The following CFAP20DC variants were observed in gnomAD, a reference collection of about 807,000 sequenced individuals.
The protein encoded by CFAP20DC is CFAP20 domain containing, also known as protein CFAP20DC.
A neutral mutation model predicts 101.7 loss-of-function variants in CFAP20DC; 84 were observed. That is an observed-to-expected ratio of 0.83 (90% CI 0.69 to 0.99). The LOEUF is 0.99. CFAP20DC is among the 50% of genes least tolerant of loss of function. CFAP20DC has a pLI of 0.00. For missense variants in CFAP20DC, 1,007 were observed against 970.3 expected (o/e 1.04, Z -0.50); for synonymous variants, 359 against 351.2 (o/e 1.02, Z -0.25).
chr3:58,887,348 C>G (rs2081736718), intron 6 of CFAP20DC: 1 of 152,016 alleles, frequency 6.6e-6, no homozygotes, highest in Non-Finnish European at 1.5e-5. Flanking sequence ...ATGTCAATGC[C>G]AATATTAATA....
At chr3:59,008,436 A>G (rs2093492103) in intron 4 of CFAP20DC, among the ~76,000 whole-genome samples, 1 of 152,182 alleles carries the variant, frequency 6.6e-6, no homozygotes, top group African/African-American at 2.4e-5. Context: ...ACTGGTGCCT[A>G]CCCAGGAATA....
chr3:58,916,161 T>G (rs911557636), intron 5 of CFAP20DC, among the ~76,000 whole-genome samples: 2 of 152,160 alleles, frequency 1.3e-5, no homozygotes, highest in Admixed American at 1.3e-4. Context: ...TTTATTTTCT[T>G]TGACTCTAAG....
chr3:59,022,343 T>C (rs2093817714), intron 4 of CFAP20DC, among the ~76,000 whole-genome samples: 1 of 151,956 alleles, frequency 6.6e-6, no homozygotes, highest in Admixed American at 6.6e-5. Context: ...GGCTTCAGGA[T>C]TTTTCCTAAA....
intron 14 of CFAP20DC, among the ~76,000 whole-genome samples, chr3:58,813,517 T>A (rs2074847651): frequency 6.6e-6 from 1 of 151,936 alleles, no homozygotes; most frequent in Admixed American, 6.6e-5. Context: ...TTCTCACCCA[T>A]CATAATGTGG....
At chr3:58,821,125 C>T (rs1298565724) in intron 14 of CFAP20DC, among the ~76,000 whole-genome samples, 2 of 151,812 alleles carry the variant, frequency 1.3e-5, no homozygotes, top group African/African-American at 2.4e-5. Context: ...CTTCCTTACA[C>T]CTTATATAAA....
At chr3:58,998,943 T>C (rs2108723797) in intron 4 of CFAP20DC, among the ~76,000 whole-genome samples, 1 of 152,350 alleles carries the variant, frequency 6.6e-6, no homozygotes, top group South Asian at 2.1e-4. Flanking sequence ...AAGTCCTTTG[T>C]CCAAACTCAC....
chr3:58,977,719 G>C (rs571915829), intron 4 of CFAP20DC, among the ~76,000 whole-genome samples: 7 of 148,100 alleles, frequency 4.7e-5, no homozygotes, highest in Non-Finnish European at 9.0e-5. Context: ...GATATTTAGA[G>C]TGGCGAAGTA....
chr3:58,858,308 TG>T (rs2078997727), intron 12 of CFAP20DC, among the ~76,000 whole-genome samples: 1 of 152,220 alleles, frequency 6.6e-6, no homozygotes, highest in Admixed American at 6.5e-5. Flanking sequence ...AGAGTTTGCC[TG>T]ATTAACTGTA....
intron 1 of CFAP20DC, among the ~76,000 whole-genome samples, chr3:59,048,197 T>C (rs1700019064): frequency 6.6e-6 from 1 of 152,206 alleles, no homozygotes; most frequent in Admixed American, 6.5e-5. Flanking sequence ...GAGAATCCTA[T>C]ATGAGGATTA....
chr3:58,790,687 T>C (rs188395577), intron 15 of CFAP20DC, among the ~76,000 whole-genome samples: 2 of 152,330 alleles, frequency 1.3e-5, no homozygotes, highest in Admixed American at 6.5e-5. Context: ...ATGAATGTGA[T>C]TTAAGCAATG....
chr3:58,754,862 AGAGTT>A (rs2068822271), intron 15 of CFAP20DC, among the ~76,000 whole-genome samples: 1 of 152,194 alleles, frequency 6.6e-6, no homozygotes, highest in Non-Finnish European at 1.5e-5. Flanking sequence ...TAATAACAAA[AGAGTT>A]GAGTGTTAGG....
chr3:58,840,606 C>A (rs1012700267), intron 13 of CFAP20DC, among the ~76,000 whole-genome samples: 1 of 152,184 alleles, frequency 6.6e-6, no homozygotes, highest in Non-Finnish European at 1.5e-5. Context: ...AGGAAGCACA[C>A]AACCACAGAG....
In CFAP20DC at chr3:58,806,383, A is replaced by G; in HGVS notation, c.2237+12T>C. The G allele has an allele frequency of 6.5e-7, 1 of 1,541,356 alleles. No homozygotes were observed. Among genetic ancestry groups the G allele is most frequent in the Non-Finnish European group, 9.0e-7 (1 of 1,114,228 alleles). ...TTTTTTTTCTTAAATGTAGATTATT[A>G]ATGATTCTTACCGGGGATTAGAAGG... is the stretch of plus-strand genomic sequence containing the variant. On this transcript the variant is annotated intron_variant, in intron 15 of 16. Coordinates refer to ENST00000482387, the MANE Select transcript of CFAP20DC (RefSeq NM_001394063.1).
Position 58,957,700 on chromosome 3 carries a change from A to T in CFAP20DC, c.279-19938T>A, listed in dbSNP as rs569015005. On this transcript the variant is annotated intron_variant, in intron 4 of 16. Coordinates refer to ENST00000482387, the MANE Select transcript of CFAP20DC (RefSeq NM_001394063.1). ...AATAGAATGAGATTTAGTCATTTCCAACAATATATGGAATTGGAGGTCATT... is the reference window on the plus strand; with the variant it reads ...AATAGAATGAGATTTAGTCATTTCCTACAATATATGGAATTGGAGGTCATT... Among the ~76,000 whole-genome samples, 16 of 152,306 alleles carry T rather than the reference A, an allele frequency of 1.1e-4. No individual in the cohort carries two copies. In the East Asian group the frequency reaches 3.1e-3, roughly 29 times the overall value.
intron 4 of CFAP20DC, among the ~76,000 whole-genome samples, chr3:59,023,003 G>A (rs1028302355): frequency 6.6e-6 from 1 of 152,076 alleles, no homozygotes; most frequent in African/African-American, 2.4e-5. Flanking sequence ...CATACTGCCA[G>A]TAGAGGTGTG....
rs866865167 is a variant in CFAP20DC, at chr3:58,760,670, A to T, written c.2238-6807T>A. ...CATTCAGTATGATATTGGCTGTGGGATTGTCATAAATAGCTCTTATTATTT... is the reference window on the plus strand; with the variant it reads ...CATTCAGTATGATATTGGCTGTGGGTTTGTCATAAATAGCTCTTATTATTT... On this transcript the variant is annotated intron_variant, in intron 15 of 16. Transcript: ENST00000482387. Among the ~76,000 whole-genome samples, 715 of 152,022 alleles carry T rather than the reference A, an allele frequency of 4.7e-3. 5 individuals are homozygous for T. The highest frequency in any genetic ancestry group is 0.016 in the African/African-American group (661 of 41,432).
At chr3:58,806,488 A>C in intron 14 of CFAP20DC, 32 bp from the exon 15 acceptor site, 2 of 1,508,628 alleles carry the variant, frequency 1.3e-6, no homozygotes, top group Non-Finnish European at 1.8e-6. Context: ...TGAATGTTTA[A>C]TCAGCACAAA....
rs958654258 is a variant in CFAP20DC at position 58,964,582 on chromosome 3, A to G, written c.279-26820T>C. ...TGGCTTGTAATCCCCTTTTTAAGAA[A>G]TAAAGTTCTCTTTTCTAGACTTATA... On this transcript the variant is annotated intron_variant, in intron 4 of 16. Transcript: ENST00000482387. This position sits in a 1 kb window ranked among gnomAD's most constrained non-coding sequence, Gnocchi z 4.1. Among the ~76,000 whole-genome samples, 3 of 152,206 alleles carry G rather than the reference A, an allele frequency of 2.0e-5. No individual in the cohort carries two copies. The highest frequency in any genetic ancestry group is 4.4e-5 in the Non-Finnish European group (3 of 68,028).
At chr3:58,934,587 C>T (rs2087246130) in intron 5 of CFAP20DC, among the ~76,000 whole-genome samples, 1 of 152,202 alleles carries the variant, frequency 6.6e-6, no homozygotes, top group African/African-American at 2.4e-5. Context: ...ATCAAGTGGG[C>T]TTCTTCCCTG....
Sources: gnomAD v4.1 joint callset for allele counts (sites outside exome capture counted in the v4.1 genomes callset) on GRCh38, gnomAD v4.1.1 for gene constraint, Gnocchi (gnomAD v3.1) non-coding constraint, MANE v1.5 for transcripts, NCBI Gene and HGNC (gene_info 2026-07-23, HGNC 2026-07-21) for gene names.